Variants in SUGCT observed in about 807,000 individuals in gnomAD.
SUGCT encodes the protein succinyl-CoA:glutarate-CoA transferase.
In SUGCT, 41 loss-of-function variants were observed where a neutral mutation model predicts 55.0. The ratio of observed to expected loss-of-function variants is 0.74; its 90% CI spans 0.58 to 0.97. The LOEUF is 0.97. Among genes scored for constraint, SUGCT ranks in the 50% least tolerant of loss-of-function variants. SUGCT has a pLI of 0.00. For synonymous variants in SUGCT, 187 were observed against 200.4 expected (o/e 0.93, Z 0.56); for missense variants, 568 against 547.8 (o/e 1.04, Z -0.37).
chr7:40,596,671 A>T (rs1798023367), intron 12 of SUGCT, among the ~76,000 whole-genome samples: 1 of 152,146 alleles, frequency 6.6e-6, no homozygotes, highest in African/African-American at 2.4e-5. Flanking sequence ...GGTCTGGTAG[A>T]TGTGGATGGA....
intron 12 of SUGCT, among the ~76,000 whole-genome samples, chr7:40,569,935 CA>C (rs989931755): frequency 3.9e-5 from 6 of 152,076 alleles, no homozygotes; most frequent in Non-Finnish European, 8.8e-5. Flanking sequence ...ATTCTTTCAC[CA>C]ATCATGAAGT....
At chr7:40,929,129 T>C in the SUGCT span, among the ~76,000 whole-genome samples, 1 of 149,328 alleles carries the variant, frequency 6.7e-6, no homozygotes, top group Non-Finnish European at 1.5e-5. Context: ...TTACCCACCC[T>C]GTTCTCATTG....
chr7:40,774,777 T>TAAAAAAAA (rs5883739), intron 13 of SUGCT, among the ~76,000 whole-genome samples: 2 of 132,628 alleles, frequency 1.5e-5, no homozygotes, highest in Non-Finnish European at 3.3e-5. Context: ...TTTTGGCAAA[T>TAAAAAAAA]AAAAAAAAAA....
At chr7:40,990,495 T>C in the SUGCT span, among the ~76,000 whole-genome samples, 3 of 152,342 alleles carry the variant, frequency 2.0e-5, no homozygotes, top group East Asian at 5.8e-4. Context: ...TTAAGGACTC[T>C]AGTATTTTCC....
At chr7:40,622,697 GTGTGTGTGTGTT>G (rs199714167) in intron 12 of SUGCT, among the ~76,000 whole-genome samples, 2,420 of 151,842 alleles carry the variant, frequency 0.016, 27 homozygotes, top group Non-Finnish European at 0.026. Context: ...TTAATAGGAT[GTGTGTGTGTGTT>G]TGTGTGTGTG....
At chr7:40,137,125 TTTA>T (rs1324740330) in intron 1 of SUGCT, among the ~76,000 whole-genome samples, 1 of 151,820 alleles carries the variant, frequency 6.6e-6, no homozygotes, top group Non-Finnish European at 1.5e-5. Flanking sequence ...CAAAATTAAC[TTTA>T]TTATTATTAT....
intron 1 of SUGCT, among the ~76,000 whole-genome samples, chr7:40,165,590 A>G (rs531656675): frequency 9.9e-5 from 15 of 152,234 alleles, no homozygotes; most frequent in Admixed American, 2.0e-4. Context: ...GCCTTTTCCA[A>G]CTGTTTCATG....
the SUGCT span, among the ~76,000 whole-genome samples, chr7:40,897,494 C>T: frequency 1.3e-5 from 2 of 151,706 alleles, no homozygotes; most frequent in East Asian, 1.9e-4. Context: ...CCTTCCAGCA[C>T]GTGAGGAAGC....
intron 9 of SUGCT, among the ~76,000 whole-genome samples, chr7:40,336,437 G>A (rs983337815): frequency 6.6e-6 from 1 of 152,134 alleles, no homozygotes; most frequent in Non-Finnish European, 1.5e-5. Flanking sequence ...CCTGTTATTG[G>A]TCTATTCAGG....
chr7:40,748,704 G>T (rs1444635289), intron 12 of SUGCT, among the ~76,000 whole-genome samples: 2 of 151,784 alleles, frequency 1.3e-5, no homozygotes, highest in Non-Finnish European at 1.5e-5. Context: ...CCTCACCATT[G>T]CATGAGAACC....
intron 12 of SUGCT, among the ~76,000 whole-genome samples, chr7:40,619,158 G>A (rs993513794): frequency 6.6e-6 from 1 of 152,132 alleles, no homozygotes; most frequent in African/African-American, 2.4e-5. Context: ...AGGCCCATGG[G>A]CATGTCTGCT....
At chr7:40,805,380 T>C (rs1183796600) in intron 13 of SUGCT, among the ~76,000 whole-genome samples, 1 of 152,122 alleles carries the variant, frequency 6.6e-6, no homozygotes, top group Non-Finnish European at 1.5e-5. Flanking sequence ...TCATTGACTA[T>C]AGTAGGACTC....
chr7:40,398,800 T>C (rs1185368080), intron 9 of SUGCT, among the ~76,000 whole-genome samples: 1 of 151,968 alleles, frequency 6.6e-6, no homozygotes, highest in Non-Finnish European at 1.5e-5. Context: ...TTTGGAGGGG[T>C]CTGGAGGGGA....
intron 9 of SUGCT, among the ~76,000 whole-genome samples, chr7:40,325,634 G>A (rs371619155): frequency 2.0e-5 from 3 of 152,122 alleles, no homozygotes; most frequent in East Asian, 3.9e-4. Context: ...GGGAAACCCC[G>A]TCTCTACTAA....
chr7:40,479,753 A>G (rs1790918768), intron 11 of SUGCT, among the ~76,000 whole-genome samples: 2 of 152,094 alleles, frequency 1.3e-5, no homozygotes, highest in Non-Finnish European at 2.9e-5. Flanking sequence ...ACTATGATTA[A>G]TATTTCCCTG....
At chr7:40,968,514 A>G in the SUGCT span, among the ~76,000 whole-genome samples, 86 of 152,348 alleles carry the variant, frequency 5.6e-4, no homozygotes, top group Non-Finnish European at 1.0e-3. Flanking sequence ...AAACTAATGC[A>G]GTGCAATGAC....
intron 10 of SUGCT, among the ~76,000 whole-genome samples, chr7:40,455,974 T>C (rs1789462900): frequency 6.6e-6 from 1 of 152,188 alleles, no homozygotes; most frequent in Non-Finnish European, 1.5e-5. Context: ...CAAACAGCTC[T>C]TTCAGAGGCC....
the SUGCT span, among the ~76,000 whole-genome samples, chr7:40,868,371 G>A: frequency 6.6e-6 from 1 of 152,090 alleles, no homozygotes; most frequent in African/African-American, 2.4e-5. Context: ...CTGTGTCCAT[G>A]TGTTCTTATT....
At chr7:40,246,800 T>A (rs1789913122) in intron 7 of SUGCT, among the ~76,000 whole-genome samples, 1 of 151,782 alleles carries the variant, frequency 6.6e-6, no homozygotes. Context: ...GGTTTTGCCA[T>A]GTTGGCCAGG....
Sources: allele counts gnomAD v4.1 joint callset (sites outside exome capture counted in the v4.1 genomes callset), GRCh38; gene constraint gnomAD v4.1.1; transcripts MANE v1.5; gene names NCBI Gene and HGNC (gene_info 2026-07-23, HGNC 2026-07-21).